PANK3: variants seen among roughly 807,000 people sequenced by gnomAD.
The protein encoded by PANK3 is pantothenate kinase 3, also known as hPanK3.
Under a neutral mutation model 39.4 loss-of-function variants are expected in PANK3, and 20 were observed. The ratio of observed to expected loss-of-function variants is 0.51; its 90% CI spans 0.36 to 0.74. The LOEUF (loss-of-function observed/expected upper bound fraction) is 0.74. Among genes scored for constraint, PANK3 ranks in the 30% least tolerant of loss-of-function variants. The pLI is 0.00. For missense variants in PANK3, 265 were observed against 437.0 expected, an observed-to-expected ratio of 0.61 and a Z score of 3.51; for synonymous variants, 140 against 157.3, an observed-to-expected ratio of 0.89 and a Z score of 0.82.
chr5:168,562,647 T>C (rs953135391), intron 4 of PANK3, among the ~76,000 whole-genome samples: 2 of 152,166 alleles, frequency 1.3e-5, no homozygotes, highest in Non-Finnish European at 2.9e-5. Context: ...AAGCCATGTA[T>C]GGACATATTT....
intron 2 of PANK3, among the ~76,000 whole-genome samples, chr5:168,568,335 A>G (rs961601321): frequency 2.6e-5 from 4 of 152,234 alleles, no homozygotes; most frequent in Non-Finnish European, 4.4e-5. Flanking sequence ...AGTGAAAATA[A>G]TTCAAGCTTC....
chr5:168,562,903 A>C (rs945108640), intron 4 of PANK3, among the ~76,000 whole-genome samples: 1 of 152,182 alleles, frequency 6.6e-6, no homozygotes, highest in African/African-American at 2.4e-5. Flanking sequence ...TGCCTCTATA[A>C]AGCTGAAAGT....
chr5:168,572,092 G>A (rs1051622123), intron 1 of PANK3, among the ~76,000 whole-genome samples: 2 of 149,238 alleles, frequency 1.3e-5, no homozygotes, highest in Non-Finnish European at 3.0e-5. Flanking sequence ...GTTTTGTTGA[G>A]TGCCTAGCAA....
rs557385497 is a variant in PANK3 at position 168,573,082 on chromosome 5, G to A, written c.29-4084C>T. Among the ~76,000 whole-genome samples, 7 of 152,238 alleles carry A rather than the reference G, an allele frequency of 4.6e-5. No individual in the cohort carries two copies. The South Asian group carries it at 1.5e-3, about 32-fold the overall frequency. On this transcript the variant is annotated intron_variant, in intron 1 of 6. Coordinates refer to ENST00000239231, the MANE Select transcript of PANK3 (RefSeq NM_024594.4). Reference sequence around the variant, plus strand: ...TACTAGAAATGTGTTCGTTCCTTGAGTGCTGTTTTTAAAGAAAGGTAAACT... The same window carrying A: ...TACTAGAAATGTGTTCGTTCCTTGAATGCTGTTTTTAAAGAAAGGTAAACT...
chr5:168,569,569 C>T lies in PANK3; in HGVS notation c.29-571G>A, dbSNP rs565395991. Among the ~76,000 whole-genome samples the T allele has an allele frequency of 1.8e-3, 274 of 152,166 alleles. 3 individuals are homozygous for T. The highest frequency in any genetic ancestry group is 0.014 in the South Asian group (69 of 4,824). The stretch of plus-strand genomic sequence containing the variant: ...GACCCAGGATCTTTTAATTCCTGGC[C>T]TGGTAGGCAACCCCTTTTCATTTAC... On this transcript the variant is annotated intron_variant, in intron 1 of 6. Coordinates refer to ENST00000239231, the MANE Select transcript of PANK3 (RefSeq NM_024594.4).
In PANK3 at chr5:168,558,956, C is replaced by T. The variant is rs922669361; in HGVS notation, c.1062+76G>A. Reference sequence around the variant, plus strand: ...CCATCATTGTGCCACTAAACTCAAGCCTGAGTGACAGAGCAAGACCCTGTC... The same window carrying T: ...CCATCATTGTGCCACTAAACTCAAGTCTGAGTGACAGAGCAAGACCCTGTC... On this transcript the variant is annotated intron_variant, in intron 6 of 6. Transcript: ENST00000239231. 5 of 1,422,446 alleles carry T rather than the reference C, an allele frequency of 3.5e-6. No homozygotes were observed. The African/African-American group carries it at 4.3e-5, about 12-fold the overall frequency. The allele number at this position is 1,422,446 out of a possible 1,614,324, so 88.1% of individuals were successfully genotyped here.
intron 1 of PANK3, among the ~76,000 whole-genome samples, chr5:168,572,642 C>T (rs1250944009): frequency 2.6e-5 from 4 of 152,134 alleles, no homozygotes; most frequent in African/African-American, 9.7e-5. Context: ...TCAGTTAAGG[C>T]TATTTTCACT....
At chr5:168,568,066 G>A (rs1759564272) in intron 2 of PANK3, among the ~76,000 whole-genome samples, 1 of 152,084 alleles carries the variant, frequency 6.6e-6, no homozygotes, top group Admixed American at 6.5e-5. Flanking sequence ...ATGGCAAACT[G>A]CTAACAGCAC....
Position 168,553,370 on chromosome 5 carries a change from C to A in PANK3, c.*4201G>T. The A allele has an allele frequency of 2.0e-6, 1 of 497,824 alleles. No individual in the cohort carries two copies. The highest frequency in any genetic ancestry group is 4.0e-6 in the Non-Finnish European group (1 of 247,132). The allele number at this position is 497,824 out of a possible 1,614,324, so 30.8% of individuals were successfully genotyped here. ...TAGTGGCCCAGGATCAGCATTTCAA[C>A]CAACTCAGCTTGTCTGCAGAATCCC... is the stretch of plus-strand genomic sequence containing the variant. On this transcript the variant is annotated 3_prime_UTR_variant, in exon 7 of 7. Transcript: ENST00000239231.
At chr5:168,578,490 T>C (rs1561844471) in intron 1 of PANK3, 2 of 152,204 alleles carry the variant, frequency 1.3e-5, no homozygotes, top group Non-Finnish European at 2.9e-5. Context: ...ACAATCACAA[T>C]GGCTGGGTGA....
chr5:168,569,030 A>AATATAT lies in PANK3; in HGVS notation c.29-38_29-33dup, dbSNP rs766705356. 8.0e-4 allele frequency: 96 copies of AATATAT among 120,342 alleles called. 1 individual carries two copies. The highest frequency in any genetic ancestry group is 6.2e-3 in the African/African-American group (78 of 12,618). The allele number at this position is 120,342 out of a possible 1,614,324, so 7.5% of individuals were successfully genotyped here. ...GAGGAAAAAAAAAAAAAAAAAAAAA[A>AATATAT]ATATATATATATATATATATCCATT... On this transcript the variant is annotated intron_variant, in intron 1 of 6. Transcript: ENST00000239231.
intron 4 of PANK3, 47 bp from the exon 5 acceptor site, chr5:168,561,563 C>T: frequency 6.8e-7 from 1 of 1,477,086 alleles, no homozygotes; most frequent in Non-Finnish European, 9.0e-7. Context: ...TAAAAAGCAA[C>T]ATTTTACGTA....
In PANK3 at chr5:168,554,944, A is replaced by G. The variant is rs1349456879; in HGVS notation, c.*2627T>C. On this transcript the variant is annotated 3_prime_UTR_variant, in exon 7 of 7. Transcript: ENST00000239231. Reference sequence around the variant, plus strand: ...TCATATATTTTATCCTTTCAAACTGAAATTACCTGCTAGAGTGAGCAACCA... The same window carrying G: ...TCATATATTTTATCCTTTCAAACTGGAATTACCTGCTAGAGTGAGCAACCA... 2 of 152,188 alleles carry G rather than the reference A, an allele frequency of 1.3e-5. No individual in the cohort carries two copies. The highest frequency in any genetic ancestry group is 4.8e-5 in the African/African-American group (2 of 41,444). The allele number at this position is 152,188 out of a possible 1,614,324, so 9.4% of individuals were successfully genotyped here.
intron 1 of PANK3, among the ~76,000 whole-genome samples, chr5:168,573,786 C>T (rs1388930238): frequency 2.4e-4 from 36 of 150,372 alleles, no homozygotes; most frequent in Admixed American, 1.9e-3. Context: ...TTTGTTCTTG[C>T]GATAGTTTAC....
chr5:168,579,293 C>T lies in PANK3; in HGVS notation c.-10G>A. The T allele has an allele frequency of 6.7e-7, 1 of 1,485,394 alleles. No homozygotes were observed. 92.0% of individuals were successfully genotyped at this position (1,485,394 alleles called of 1,614,324 possible). On this transcript the variant is annotated 5_prime_UTR_variant, in exon 1 of 7. Transcript: ENST00000239231. The stretch of plus-strand genomic sequence containing the variant: ...CATCTTTGATCTTCATGGCGTCGGC[C>T]CGAGGGGCGATGGACGGCCTCCGAT...
intron 1 of PANK3, among the ~76,000 whole-genome samples, chr5:168,572,347 T>C (rs551794332): frequency 2.4e-4 from 35 of 143,324 alleles, no homozygotes; most frequent in African/African-American, 8.5e-4. Context: ...CTCCTAACCT[T>C]GTGTGTGTGT....
chr5:168,576,967 C>T (rs1759741760), intron 1 of PANK3, among the ~76,000 whole-genome samples: 1 of 151,958 alleles, frequency 6.6e-6, no homozygotes, highest in African/African-American at 2.4e-5. Context: ...GTAACCTCCG[C>T]CTCCTGGGTT....
In PANK3 at chr5:168,565,868, A is replaced by AAATATAT; in HGVS notation, c.635+144_635+145insATATATT. On this transcript the variant is annotated intron_variant, in intron 3 of 6. Coordinates refer to ENST00000239231, the MANE Select transcript of PANK3 (RefSeq NM_024594.4). ...CACCCTCTTTCACTTAAAAAAAAAA[A>AAATATAT]ATATATATATATATATATTTTTTTT... 93 of 131,932 alleles carry AAATATAT rather than the reference A, an allele frequency of 7.0e-4. 2 individuals carry two copies. Among genetic ancestry groups the AAATATAT allele is most frequent in the African/African-American group, 2.1e-3 (59 of 28,150 alleles). The allele number at this position is 131,932 out of a possible 1,614,324, so 8.2% of individuals were successfully genotyped here.
intron 1 of PANK3, among the ~76,000 whole-genome samples, chr5:168,577,073 G>T (rs1561844190): frequency 1.3e-5 from 2 of 151,142 alleles, no homozygotes; most frequent in African/African-American, 4.9e-5. Context: ...TAGAGATGGG[G>T]TTTCACCATG....
Sources: gnomAD v4.1 joint callset for allele counts (sites outside exome capture counted in the v4.1 genomes callset) on GRCh38, gnomAD v4.1.1 for gene constraint, MANE v1.5 for transcripts, NCBI Gene and HGNC (gene_info 2026-07-23, HGNC 2026-07-21) for gene names.